The following HAO1 variants were observed in gnomAD, a reference collection of about 807,000 sequenced individuals.
The protein encoded by HAO1 is hydroxyacid oxidase 1, also known as 2-Hydroxyacid oxidase 1.
In HAO1, 34 loss-of-function variants were observed where a neutral mutation model predicts 39.7. The observed-to-expected ratio is 0.86, with a 90% CI of 0.65 to 1.14. HAO1 has a LOEUF of 1.14. Ranked by LOEUF, HAO1 falls within the 50% of genes most tolerant of loss-of-function variation. HAO1 has a pLI of 0.00. For synonymous variants in HAO1, 172 were observed against 173.2 expected (o/e 0.99, Z 0.05); for missense variants, 479 against 464.5 (o/e 1.03, Z -0.29).
At position 7,906,303 on chromosome 20, in the gene HAO1, A is replaced by T. The variant is rs181543806; in HGVS notation, c.572T>A (p.Leu191Ter). Residue 191 changes from leucine (L) to a stop codon, truncating the protein, a stop_gained, in exon 4 of 8, where the codon TTA (leucine) becomes TAA (stop). Transcript: ENST00000378789. LOFTEE classifies it high-confidence loss of function. ...LRMKNFETST[L>*]SFSPEENFGD... ...AAAATTTTCCTCAGGAGAAAATGAT[A>T]AAGTACTGGTTTCAAAATTTTTCAT... 1 of 1,609,956 alleles carries T rather than the reference A, an allele frequency of 6.2e-7. No homozygotes were observed. The highest frequency in any genetic ancestry group is 2.2e-5 in the East Asian group (1 of 44,758).
intron 2 of HAO1, among the ~76,000 whole-genome samples, chr20:7,918,889 C>T (rs896627324): frequency 1.3e-5 from 2 of 152,216 alleles, no homozygotes; most frequent in Non-Finnish European, 2.9e-5. Context: ...CTTTTACTCA[C>T]CTTATCCATT....
At chr20:7,912,195 C>A (rs2122774830) in intron 3 of HAO1, among the ~76,000 whole-genome samples, 1 of 152,182 alleles carries the variant, frequency 6.6e-6, no homozygotes, top group South Asian at 2.1e-4. Flanking sequence ...TGTTTCATGG[C>A]CCGTCACATC....
Position 7,906,099 on chromosome 20 carries a change from G to A in HAO1, c.721+55C>T, listed in dbSNP as rs552570900. 517 of 1,151,700 alleles carry A rather than the reference G, an allele frequency of 4.5e-4. 3 individuals carry two copies. The highest frequency in any genetic ancestry group is 3.0e-3 in the African/African-American group (198 of 65,522). The allele number at this position is 1,151,700 out of a possible 1,614,324, so 71.3% of individuals were successfully genotyped here. A position where few individuals can be genotyped will look rare whatever the true frequency, so the allele number is the denominator to read the frequency against. On this transcript the variant is annotated intron_variant, in intron 4 of 7. Coordinates refer to ENST00000378789, the MANE Select transcript of HAO1 (RefSeq NM_017545.3). ...ATTTTCCTTTAAGAATATTATGAAC[G>A]TATCCACAAAGGATCACAAAGTCAG...
In HAO1 at chr20:7,921,766, A is replaced by G. The variant is rs562571323; in HGVS notation, c.290-7347T>C. Reference sequence around the variant, plus strand: ...TGGTACATATCCACCATGGAATACTATGTAGCCATAAAAAATAACAAAATA... The same window carrying G: ...TGGTACATATCCACCATGGAATACTGTGTAGCCATAAAAAATAACAAAATA... On this transcript the variant is annotated intron_variant, in intron 2 of 7. Coordinates refer to ENST00000378789, the MANE Select transcript of HAO1 (RefSeq NM_017545.3). Among the ~76,000 whole-genome samples, 4 of 152,304 alleles carry G rather than the reference A, an allele frequency of 2.6e-5. No individual in the cohort carries two copies. The South Asian group carries it at 6.2e-4, about 24-fold the overall frequency.
At chr20:7,890,997 T>A (rs1329971537) in intron 5 of HAO1, among the ~76,000 whole-genome samples, 1 of 152,226 alleles carries the variant, frequency 6.6e-6, no homozygotes, top group African/African-American at 2.4e-5. Context: ...GAACTGTGCT[T>A]CTATAAATAT....
intron 5 of HAO1, among the ~76,000 whole-genome samples, chr20:7,889,258 C>T (rs540976558): frequency 7.2e-5 from 11 of 152,136 alleles, no homozygotes; most frequent in African/African-American, 2.7e-4. Context: ...AACCCAAATG[C>T]TTATTCTATA....
rs10585629 is a variant in HAO1 at position 7,903,858 on chromosome 20, C to CGGTGGTGGTGGTGGTGGT, written c.721+2278_721+2295dup. Reference sequence around the variant, plus strand: ...GTCCTGGTAATGGAGATTGTGGTAGCGGTGGTGGTGGTGGTGGTGGTGGTG... The same window carrying CGGTGGTGGTGGTGGTGGT: ...GTCCTGGTAATGGAGATTGTGGTAGCGGTGGTGGTGGTGGTGGTGGTGGTGGTGGTGGTGGTGGTGGTG... On this transcript the variant is annotated intron_variant, in intron 4 of 7. Coordinates refer to ENST00000378789, the MANE Select transcript of HAO1 (RefSeq NM_017545.3). Among the ~76,000 whole-genome samples, 44 of 57,616 alleles carry CGGTGGTGGTGGTGGTGGT rather than the reference C, an allele frequency of 7.6e-4. 1 individual carries two copies. Among genetic ancestry groups the CGGTGGTGGTGGTGGTGGT allele is most frequent in the Non-Finnish European group, 1.7e-3 (38 of 22,786 alleles). The allele number at this position is 57,616 out of a possible 152,430, so 37.8% of individuals were successfully genotyped here.
At position 7,934,469 on chromosome 20, in the gene HAO1, C is replaced by A. The variant is rs2050400385; in HGVS notation, c.289+15G>T. On this transcript the variant is annotated intron_variant, in intron 2 of 7. Transcript: ENST00000378789. ...TAGCCTCCTTCTGTCCCTGTGGTGA[C>A]AATCTTCCTCCTACCTCTCACAGTG... 6.2e-7 allele frequency: 1 copy of A among 1,600,942 alleles called. No homozygotes were observed. The highest frequency in any genetic ancestry group is 8.5e-7 in the Non-Finnish European group (1 of 1,174,658).
intron 4 of HAO1, 32 bp from the exon 5 acceptor site, chr20:7,895,256 A>G (rs746445506): frequency 7.1e-7 from 1 of 1,411,884 alleles, no homozygotes; most frequent in Admixed American, 1.7e-5. Context: ...CCTTAGGGAA[A>G]CTGTAACTTA....
At chr20:7,937,675 A>T (rs2050419267) in intron 1 of HAO1, among the ~76,000 whole-genome samples, 1 of 152,166 alleles carries the variant, frequency 6.6e-6, no homozygotes, top group African/African-American at 2.4e-5. Context: ...AGCTACAACA[A>T]CGTGAAGACC....
chr20:7,908,755 G>A (rs2050261532), intron 3 of HAO1, among the ~76,000 whole-genome samples: 1 of 152,062 alleles, frequency 6.6e-6, no homozygotes, highest in African/African-American at 2.4e-5. Flanking sequence ...GAAATGCCTG[G>A]TCTTTCTTTT....
intron 5 of HAO1, 116 bp from the exon 6 acceptor site, chr20:7,885,980 G>A: frequency 1.3e-6 from 1 of 765,824 alleles, no homozygotes; most frequent in Middle Eastern, 2.4e-4. Context: ...AAGCCAAGTA[G>A]GTTTGGGGTA....
At chr20:7,914,560 C>T (rs930117908) in intron 2 of HAO1, 141 bp from the exon 3 acceptor site, 3 of 825,294 alleles carry the variant, frequency 3.6e-6, no homozygotes, top group Admixed American at 2.8e-5. Flanking sequence ...AGAAGAAAGT[C>T]TGGCCCATAC....
intron 1 of HAO1, among the ~76,000 whole-genome samples, chr20:7,939,263 G>A (rs1180352010): frequency 6.6e-6 from 1 of 152,140 alleles, no homozygotes; most frequent in Non-Finnish European, 1.5e-5. Flanking sequence ...GTTGGGGAGA[G>A]GCCGTATCCT....
intron 5 of HAO1, among the ~76,000 whole-genome samples, chr20:7,892,533 CCT>C (rs1333665268): frequency 6.6e-6 from 1 of 152,182 alleles, no homozygotes; most frequent in Non-Finnish European, 1.5e-5. Context: ...ACTAAATCAA[CCT>C]GCTAGTTCAG....
intron 2 of HAO1, among the ~76,000 whole-genome samples, chr20:7,929,033 G>A (rs1240180402): frequency 6.6e-6 from 1 of 151,808 alleles, no homozygotes; most frequent in East Asian, 2.0e-4. Context: ...ACTCACTGCA[G>A]TCTCCACACA....
At chr20:7,924,990 A>G (rs1217162574) in intron 2 of HAO1, among the ~76,000 whole-genome samples, 1 of 152,142 alleles carries the variant, frequency 6.6e-6, no homozygotes, top group Non-Finnish European at 1.5e-5. Flanking sequence ...GTCATAGTGA[A>G]GTGTTTGTAT....
intron 2 of HAO1, among the ~76,000 whole-genome samples, chr20:7,918,334 A>G (rs957307175): frequency 2.0e-5 from 3 of 152,218 alleles, no homozygotes; most frequent in African/African-American, 7.2e-5. Context: ...GGAGCCTGGG[A>G]ATTTATATGA....
At chr20:7,928,778 C>A (rs758067233) in intron 2 of HAO1, among the ~76,000 whole-genome samples, 2 of 152,186 alleles carry the variant, frequency 1.3e-5, no homozygotes, top group Non-Finnish European at 2.9e-5. Context: ...CCCAGATGTA[C>A]AGCCTAGGGG....
Sources: allele counts gnomAD v4.1 joint callset (sites outside exome capture counted in the v4.1 genomes callset), GRCh38; gene constraint gnomAD v4.1.1; transcripts MANE v1.5; gene names NCBI Gene and HGNC (gene_info 2026-07-23, HGNC 2026-07-21).